Variants in ULK4 observed in about 807,000 individuals in gnomAD.
The protein encoded by ULK4 is inactive serine/threonine-protein kinase ULK4.
Under a neutral mutation model 160.6 loss-of-function variants are expected in ULK4, and 133 were observed. That is an observed-to-expected ratio of 0.83 (90% CI 0.72 to 0.96). The LOEUF is 0.96. Among genes scored for constraint, ULK4 ranks in the 40% least tolerant of loss-of-function variants. The probability of loss-of-function intolerance (pLI) is 0.00; values close to 1 mark genes in which losing one functional copy is unlikely to be tolerated. For missense variants in ULK4, 1,580 were observed against 1,499.5 expected (o/e 1.05, Z -0.89); for synonymous variants, 534 against 539.8 (o/e 0.99, Z 0.15).
At chr3:41,524,990 A>C (rs2125935075) in intron 32 of ULK4, among the ~76,000 whole-genome samples, 1 of 152,238 alleles carries the variant, frequency 6.6e-6, no homozygotes, top group East Asian at 1.9e-4. Context: ...AAGAGGAGCT[A>C]AGTCTGAGAT....
intron 30 of ULK4, among the ~76,000 whole-genome samples, chr3:41,658,062 T>G (rs944173409): frequency 1.3e-5 from 2 of 152,042 alleles, no homozygotes; most frequent in Admixed American, 6.5e-5. Context: ...CACAATGCAA[T>G]GAAACTAGAA....
At chr3:41,455,738 C>T (rs2083532344) in intron 33 of ULK4, 143 bp from the exon 34 acceptor site, 1 of 660,086 alleles carries the variant, frequency 1.5e-6, no homozygotes, top group Non-Finnish European at 2.6e-6. Flanking sequence ...AGATGGAGGC[C>T]CCAGAAGAGA....
chr3:41,789,875 A>C, intron 20 of ULK4, 32 bp from the exon 21 acceptor site: 1 of 1,513,944 alleles, frequency 6.6e-7, no homozygotes, highest in Non-Finnish European at 8.9e-7. Context: ...CCTGTCAGGC[A>C]ACTCCAAGTG....
rs1335020287 is a variant in ULK4, at chr3:41,898,439, T to C, written c.1341A>G (p.Thr447=). The change falls in exon 14 of 37, where the codon ACA becomes ACG. Residue 447 remains threonine, a synonymous_variant. Transcript: ENST00000301831. ...KFDAKILHLP[T]YSVDKLLFLK... is the part of the protein sequence containing the mutation. ...AGTCCTTTATGATCCTACCTGAATA[T>C]GTTGGTAGATGCAATATTTTTGCAT... The C allele has an allele frequency of 6.3e-7, 1 of 1,591,664 alleles. No individual in the cohort carries two copies. The highest frequency in any genetic ancestry group is 8.6e-7 in the Non-Finnish European group (1 of 1,166,938).
At chr3:41,405,779 A>G (rs2082281590) in intron 34 of ULK4, among the ~76,000 whole-genome samples, 1 of 151,554 alleles carries the variant, frequency 6.6e-6, no homozygotes, top group African/African-American at 2.4e-5. Context: ...CTTTTAAGAA[A>G]TGTCTGTTCA....
At chr3:41,916,225 TGG>T (rs1327482565) in intron 7 of ULK4, among the ~76,000 whole-genome samples, 173 bp from the exon 8 acceptor site, 1 of 152,134 alleles carries the variant, frequency 6.6e-6, no homozygotes, top group African/African-American at 2.4e-5. Context: ...TGGGGCAGGA[TGG>T]GGAGGTACAG....
intron 31 of ULK4, among the ~76,000 whole-genome samples, chr3:41,579,524 C>T (rs2030073899): frequency 8.0e-6 from 1 of 124,442 alleles, no homozygotes; most frequent in Non-Finnish European, 1.6e-5. Flanking sequence ...GACGGAGTTT[C>T]GCTCTGTCGC....
At chr3:41,546,604 C>T (rs540195774) in intron 32 of ULK4, among the ~76,000 whole-genome samples, 2 of 152,082 alleles carry the variant, frequency 1.3e-5, no homozygotes, top group South Asian at 2.1e-4. Flanking sequence ...TGGAAAACTC[C>T]GATGTAGGTT....
At chr3:41,516,048 T>C (rs2085737385) in intron 32 of ULK4, among the ~76,000 whole-genome samples, 2 of 151,280 alleles carry the variant, frequency 1.3e-5, no homozygotes, top group African/African-American at 2.4e-5. Context: ...TAATGCACTG[T>C]ATTGCATGCA....
intron 34 of ULK4, among the ~76,000 whole-genome samples, chr3:41,443,715 ATAT>A (rs2125859098): frequency 1.3e-5 from 2 of 151,846 alleles, no homozygotes; most frequent in South Asian, 4.2e-4. Context: ...ATCGTGATAC[ATAT>A]TATAAAATGA....
chr3:41,264,313 T>C (rs4246665), intron 35 of ULK4, among the ~76,000 whole-genome samples: 39,825 of 152,206 alleles, frequency 0.26, 10,133 homozygotes, highest in African/African-American at 0.66. Context: ...GGAACTCACA[T>C]GCCAGCGCCA....
intron 35 of ULK4, among the ~76,000 whole-genome samples, chr3:41,309,886 A>G (rs1045026599): frequency 2.1e-5 from 3 of 142,814 alleles, no homozygotes; most frequent in Non-Finnish European, 1.5e-5. Flanking sequence ...AATCTAACCA[A>G]TGCCTTTTAG....
chr3:41,954,176 T>TAAAAAAA (rs11325222), intron 2 of ULK4, among the ~76,000 whole-genome samples: 1 of 118,686 alleles, frequency 8.4e-6, no homozygotes, highest in Non-Finnish European at 1.7e-5. Context: ...GACTCCGTCT[T>TAAAAAAA]AAAAAAAAAA....
intron 8 of ULK4, among the ~76,000 whole-genome samples, chr3:41,913,765 C>G (rs1187949942): frequency 1.3e-5 from 2 of 151,974 alleles, no homozygotes; most frequent in Non-Finnish European, 2.9e-5. Flanking sequence ...GATTTTGAGG[C>G]CAGCCTGGAC....
chr3:41,279,180 G>A (rs148813824), intron 35 of ULK4, among the ~76,000 whole-genome samples: 6 of 147,762 alleles, frequency 4.1e-5, no homozygotes, highest in African/African-American at 1.5e-4. Flanking sequence ...TCGATCAAGT[G>A]GAAGAAAGGA....
chr3:41,582,967 T>C (rs2030491486), intron 31 of ULK4, among the ~76,000 whole-genome samples: 1 of 152,240 alleles, frequency 6.6e-6, no homozygotes, highest in Non-Finnish European at 1.5e-5. Flanking sequence ...AGAATCAAAC[T>C]TCTTTTTTGT....
chr3:41,294,659 G>A (rs2079635368), intron 35 of ULK4, among the ~76,000 whole-genome samples: 1 of 151,996 alleles, frequency 6.6e-6, no homozygotes, highest in Non-Finnish European at 1.5e-5. Context: ...AAAACGTAAA[G>A]AAACAAGCCA....
intron 32 of ULK4, among the ~76,000 whole-genome samples, chr3:41,508,267 A>G (rs1284331831): frequency 6.6e-6 from 1 of 152,080 alleles, no homozygotes; most frequent in Non-Finnish European, 1.5e-5. Context: ...CACCCCTCAC[A>G]GCAGCCACAG....
At chr3:41,881,092 T>C (rs1165265007) in intron 17 of ULK4, among the ~76,000 whole-genome samples, 1 of 152,114 alleles carries the variant, frequency 6.6e-6, no homozygotes. Flanking sequence ...ATTGTGAGTT[T>C]TACAGAAAAC....
Sources: allele counts gnomAD v4.1 joint callset (sites outside exome capture counted in the v4.1 genomes callset), GRCh38; gene constraint gnomAD v4.1.1; transcripts MANE v1.5; gene names NCBI Gene and HGNC (gene_info 2026-07-23, HGNC 2026-07-21).